Variants in PTPRD observed in about 807,000 individuals in gnomAD.
The protein encoded by PTPRD is protein tyrosine phosphatase receptor type D.
A neutral mutation model predicts 214.5 loss-of-function variants in PTPRD; 34 were observed. The observed-to-expected ratio is 0.16, with a 90% CI of 0.12 to 0.21. The LOEUF (loss-of-function observed/expected upper bound fraction) is 0.21. PTPRD is among the 10% of genes least tolerant of loss of function. PTPRD has a pLI of 1.00. For synonymous variants in PTPRD, 1,128 were observed against 845.7 expected (o/e 1.33, Z -5.79); for missense variants, 2,545 against 2,398.7 (o/e 1.06, Z -1.27).
chr9:9,081,363 TTTG>T (rs1215893305), intron 10 of PTPRD, among the ~76,000 whole-genome samples: 1 of 152,126 alleles, frequency 6.6e-6, no homozygotes, highest in Non-Finnish European at 1.5e-5. Context: ...TGAGAGACTG[TTTG>T]TTATGATTTC....
intron 8 of PTPRD, among the ~76,000 whole-genome samples, chr9:9,488,979 C>A (rs561324895): frequency 1.5e-4 from 23 of 152,036 alleles, no homozygotes; most frequent in Non-Finnish European, 2.8e-4. Context: ...AGGCAGGAGG[C>A]CATTATTGTT....
intron 12 of PTPRD, among the ~76,000 whole-genome samples, chr9:8,689,150 A>C (rs892639157): frequency 1.3e-5 from 2 of 152,226 alleles, no homozygotes; most frequent in African/African-American, 2.4e-5. Context: ...CTTACAAAAA[A>C]ACTTTCTTGT....
At chr9:8,679,874 C>A (rs1336922328) in intron 12 of PTPRD, among the ~76,000 whole-genome samples, 1 of 152,184 alleles carries the variant, frequency 6.6e-6, no homozygotes, top group Non-Finnish European at 1.5e-5. Context: ...TTCAATTTAA[C>A]AAAAATTTCT....
chr9:8,468,037 T>A (rs541829436), intron 31 of PTPRD, among the ~76,000 whole-genome samples: 6 of 152,040 alleles, frequency 3.9e-5, no homozygotes, highest in Admixed American at 1.3e-4. Context: ...ATGTAGTTAA[T>A]AGTCGCAATT....
chr9:9,928,666 A>C (rs947526423), intron 5 of PTPRD, among the ~76,000 whole-genome samples: 1 of 151,994 alleles, frequency 6.6e-6, no homozygotes, highest in African/African-American at 2.4e-5. Context: ...TGTAAACTCG[A>C]CTAGTGATAC....
intron 5 of PTPRD, among the ~76,000 whole-genome samples, chr9:9,889,145 G>T (rs929003179): frequency 1.3e-5 from 2 of 152,042 alleles, no homozygotes; most frequent in Non-Finnish European, 2.9e-5. Flanking sequence ...AAGTTGGGGA[G>T]ATGTAGGTGA....
intron 39 of PTPRD, among the ~76,000 whole-genome samples, chr9:8,357,175 C>A (rs1459591854): frequency 2.0e-5 from 3 of 152,218 alleles, no homozygotes; most frequent in African/African-American, 4.8e-5. Flanking sequence ...AACAATTCTT[C>A]TTCGAAGGGC....
chr9:8,953,780 A>C (rs987435031), intron 11 of PTPRD, among the ~76,000 whole-genome samples: 2 of 152,098 alleles, frequency 1.3e-5, no homozygotes, highest in Admixed American at 1.3e-4. Context: ...GAGAAATGCA[A>C]ATCAAAACCA....
chr9:8,430,737 A>G (rs1165937551), intron 35 of PTPRD, among the ~76,000 whole-genome samples: 2 of 152,190 alleles, frequency 1.3e-5, no homozygotes, highest in Non-Finnish European at 2.9e-5. Context: ...TGAGACTACC[A>G]GAACGTTCAT....
At chr9:8,811,880 C>T (rs556395785) in intron 11 of PTPRD, among the ~76,000 whole-genome samples, 4 of 152,280 alleles carry the variant, frequency 2.6e-5, no homozygotes, top group Middle Eastern at 3.4e-3. Context: ...GATCTCAGAG[C>T]ATTTCCCATC....
intron 14 of PTPRD, among the ~76,000 whole-genome samples, chr9:8,617,569 C>T (rs1020793281): frequency 6.6e-6 from 1 of 152,052 alleles, no homozygotes; most frequent in Admixed American, 6.6e-5. Flanking sequence ...CTCTGTAGCA[C>T]CTCTTGTCTA....
intron 7 of PTPRD, among the ~76,000 whole-genome samples, chr9:9,685,791 T>A (rs1042554332): frequency 6.6e-6 from 1 of 151,432 alleles, no homozygotes; most frequent in Non-Finnish European, 1.5e-5. Context: ...TTAATACTAT[T>A]TGCCAAATAT....
At chr9:9,085,839 C>G (rs571001034) in intron 10 of PTPRD, among the ~76,000 whole-genome samples, 8 of 152,194 alleles carry the variant, frequency 5.3e-5, no homozygotes, top group Non-Finnish European at 1.0e-4. Flanking sequence ...TAATTTAAGC[C>G]TCTCGAATCT....
At chr9:9,677,412 AC>A (rs1326994443) in intron 7 of PTPRD, among the ~76,000 whole-genome samples, 1 of 152,130 alleles carries the variant, frequency 6.6e-6, no homozygotes, top group Non-Finnish European at 1.5e-5. Context: ...GGCTGGTTCA[AC>A]ATATACAAAT....
At chr9:8,483,248 T>C (rs2096925002) in intron 30 of PTPRD, among the ~76,000 whole-genome samples, 1 of 152,262 alleles carries the variant, frequency 6.6e-6, no homozygotes, top group African/African-American at 2.4e-5. Flanking sequence ...AATTTTCTAA[T>C]GTTTATATTT....
At chr9:10,375,392 G>C (rs2097708163) in intron 2 of PTPRD, among the ~76,000 whole-genome samples, 1 of 151,966 alleles carries the variant, frequency 6.6e-6, no homozygotes, top group African/African-American at 2.4e-5. Flanking sequence ...AATTTCCCAA[G>C]TTACAAGGTA....
At chr9:9,664,088 T>TA (rs71319290) in intron 7 of PTPRD, among the ~76,000 whole-genome samples, 3,162 of 114,480 alleles carry the variant, frequency 0.028, 147 homozygotes, top group African/African-American at 0.093. Context: ...CACTCCTGTG[T>TA]AAAAAAAAAA....
At chr9:10,354,848 G>A (rs1030244123) in intron 2 of PTPRD, among the ~76,000 whole-genome samples, 10 of 152,188 alleles carry the variant, frequency 6.6e-5, no homozygotes, top group South Asian at 2.1e-4. Flanking sequence ...TGTGCCGTAC[G>A]TGCTTTGTGT....
At chr9:9,164,968 G>C (rs148327900) in intron 10 of PTPRD, among the ~76,000 whole-genome samples, 2 of 150,208 alleles carry the variant, frequency 1.3e-5, no homozygotes, top group Admixed American at 1.3e-4. Context: ...TAGGAGAATC[G>C]CTTAACCCAA....
Sources: gnomAD v4.1 joint callset for allele counts (sites outside exome capture counted in the v4.1 genomes callset) on GRCh38, gnomAD v4.1.1 for gene constraint, MANE v1.5 for transcripts, NCBI Gene and HGNC (gene_info 2026-07-23, HGNC 2026-07-21) for gene names.